Variants in PCDH15 observed in about 807,000 individuals in gnomAD.
PCDH15 encodes protocadherin-15.
A neutral mutation model predicts 178.5 loss-of-function variants in PCDH15; 129 were observed. The ratio of observed to expected loss-of-function variants is 0.72; its 90% CI spans 0.63 to 0.84. The LOEUF is 0.84. Among genes scored for constraint, PCDH15 ranks in the 40% least tolerant of loss-of-function variants. PCDH15 has a pLI of 0.00. For synonymous variants in PCDH15, 800 were observed against 732.0 expected, an observed-to-expected ratio of 1.09 and a Z score of -1.50; for missense variants, 2,230 against 2,099.9, an observed-to-expected ratio of 1.06 and a Z score of -1.21.
At chr10:54,263,510 C>T (rs2132334168) in intron 8 of PCDH15, among the ~76,000 whole-genome samples, 1 of 152,224 alleles carries the variant, frequency 6.6e-6, no homozygotes, top group Non-Finnish European at 1.5e-5. Flanking sequence ...GCACCAAGAC[C>T]CCACCTGCCA....
At chr10:55,462,523 T>C (rs973840918) in intron 2 of PCDH15, among the ~76,000 whole-genome samples, 1 of 152,170 alleles carries the variant, frequency 6.6e-6, no homozygotes, top group Non-Finnish European at 1.5e-5. Context: ...CTTTAAAGCA[T>C]TCATAGTTAT....
intron 2 of PCDH15, among the ~76,000 whole-genome samples, chr10:54,539,528 G>A (rs148221242): frequency 6.6e-6 from 1 of 152,256 alleles, no homozygotes; most frequent in Non-Finnish European, 1.5e-5. Flanking sequence ...CACAATGATA[G>A]TGGGGGTCTT....
intron 8 of PCDH15, among the ~76,000 whole-genome samples, chr10:54,306,254 G>A (rs1284120871): frequency 6.6e-6 from 1 of 151,910 alleles, no homozygotes; most frequent in Non-Finnish European, 1.5e-5. Context: ...TTTTCTATTA[G>A]ACACACTTTC....
chr10:53,871,851 T>C (rs574702957), intron 26 of PCDH15, among the ~76,000 whole-genome samples: 2 of 152,162 alleles, frequency 1.3e-5, no homozygotes, highest in South Asian at 4.1e-4. Flanking sequence ...CCTCCCTGGT[T>C]CAAGCAATTC....
intron 2 of PCDH15, among the ~76,000 whole-genome samples, chr10:55,412,298 C>T (rs1838357461): frequency 6.6e-6 from 1 of 151,954 alleles, no homozygotes; most frequent in South Asian, 2.1e-4. Flanking sequence ...TAAATGTTGA[C>T]TTTGATTTTT....
intron 29 of PCDH15, among the ~76,000 whole-genome samples, chr10:53,835,644 C>T (rs565298171): frequency 6.6e-6 from 1 of 152,172 alleles, no homozygotes; most frequent in Non-Finnish European, 1.5e-5. Flanking sequence ...AGGCTGGGCA[C>T]GGTGGCTTAT....
At chr10:54,475,072 G>T (rs2078186068) in intron 3 of PCDH15, among the ~76,000 whole-genome samples, 1 of 151,518 alleles carries the variant, frequency 6.6e-6, no homozygotes, top group Non-Finnish European at 1.5e-5. Flanking sequence ...TTTTAATTGG[G>T]CTACTTACAA....
intron 1 of PCDH15, among the ~76,000 whole-genome samples, chr10:54,716,365 A>G (rs1345827993): frequency 6.6e-6 from 1 of 152,060 alleles, no homozygotes; most frequent in Non-Finnish European, 1.5e-5. Flanking sequence ...CACAATAGAA[A>G]ATGATATTGA....
At chr10:53,992,672 C>A in intron 21 of PCDH15, among the ~76,000 whole-genome samples, 1 of 152,092 alleles carries the variant, frequency 6.6e-6, no homozygotes, top group East Asian at 1.9e-4. Context: ...TTTGTTCTGT[C>A]AAATTTGGGA....
Position 55,083,624 on chromosome 10 carries a change from A to G in PCDH15, c.-80+82952T>C, listed in dbSNP as rs143887163. On this transcript the variant is annotated intron_variant, in intron 2 of 5. Coordinates refer to the PCDH15 transcript ENST00000458638. ...AAATTGAAAACAAAAGAGTGAAATT[A>G]TCCCTGTTTGCAAATGAAATAATCT... 4.6e-4 allele frequency among the ~76,000 whole-genome samples: 70 copies of G among 152,016 alleles called. No individual in the cohort carries two copies. The East Asian group carries it at 0.013, about 29-fold the overall frequency.
intron 3 of PCDH15, among the ~76,000 whole-genome samples, chr10:54,833,773 G>A (rs996098658): frequency 2.0e-5 from 3 of 152,126 alleles, no homozygotes; most frequent in African/African-American, 7.2e-5. Flanking sequence ...ATTATTCACA[G>A]TCAATATATT....
chr10:53,984,122 CTTTTTTTTTTTTTCTTTTTTCTTTTCTTT>C (rs2090907724), intron 21 of PCDH15, among the ~76,000 whole-genome samples: 7 of 112,686 alleles, frequency 6.2e-5, no homozygotes, highest in Non-Finnish European at 7.0e-5. Context: ...AAGTGCTTTT[CTTTTTTTTTTTTTCTTTTTTCTTTTCTTT>C]TTTTTTTTTT....
intron 2 of PCDH15, among the ~76,000 whole-genome samples, chr10:54,583,683 C>T (rs937234833): frequency 6.6e-6 from 1 of 152,074 alleles, no homozygotes; most frequent in Non-Finnish European, 1.5e-5. Context: ...GCTAATCAAC[C>T]ATATCAGTTG....
At chr10:54,801,910 G>A (rs1411877616), upstream of PCDH15, among the ~76,000 whole-genome samples, 1 of 152,120 alleles carries the variant, frequency 6.6e-6, no homozygotes, top group Non-Finnish European at 1.5e-5. Flanking sequence ...AGGTAAACTA[G>A]TAAAATACAA....
At chr10:54,696,692 AC>A in intron 1 of PCDH15, among the ~76,000 whole-genome samples, 1 of 151,420 alleles carries the variant, frequency 6.6e-6, no homozygotes. Context: ...GAAAAAAAAA[AC>A]CGCCCTATTT....
At chr10:54,437,397 GTGA>G (rs1589408650) in intron 3 of PCDH15, among the ~76,000 whole-genome samples, 3 of 152,114 alleles carry the variant, frequency 2.0e-5, no homozygotes, top group East Asian at 1.9e-4. Context: ...TAAATTTAGT[GTGA>G]TGAAGTGTAC....
chr10:54,202,310 T>C (rs1348610109), intron 10 of PCDH15, among the ~76,000 whole-genome samples: 1 of 150,354 alleles, frequency 6.7e-6, no homozygotes, highest in African/African-American at 2.5e-5. Flanking sequence ...AAACATTAGA[T>C]ATCTTAGGAA....
chr10:54,056,344 T>C (rs1185734180), intron 18 of PCDH15, among the ~76,000 whole-genome samples: 1 of 152,190 alleles, frequency 6.6e-6, no homozygotes, highest in East Asian at 1.9e-4. Flanking sequence ...AAGGCATACC[T>C]GAGACTGGAT....
At chr10:55,602,375 T>A (rs1324116195) in intron 2 of PCDH15, among the ~76,000 whole-genome samples, 1 of 152,090 alleles carries the variant, frequency 6.6e-6, no homozygotes, top group Non-Finnish European at 1.5e-5. Context: ...TCGAACTGGG[T>A]GGAGCCCACC....
Sources: allele counts gnomAD v4.1 joint callset (sites outside exome capture counted in the v4.1 genomes callset), GRCh38; gene constraint gnomAD v4.1.1; transcripts MANE v1.5; gene names NCBI Gene and HGNC (gene_info 2026-07-23, HGNC 2026-07-21).